Variants in TEC observed in about 807,000 individuals in gnomAD.
The protein encoded by TEC is tec protein tyrosine kinase, also known as tyrosine-protein kinase Tec.
Under a neutral mutation model 93.0 loss-of-function variants are expected in TEC, and 72 were observed. The observed-to-expected ratio is 0.77, with a 90% confidence interval of 0.64 to 0.94. The LOEUF is 0.94. Among genes scored for constraint, TEC ranks in the 40% least tolerant of loss-of-function variants. The pLI, the probability that TEC is intolerant of heterozygous loss-of-function variation, is 0.00. For synonymous variants in TEC, 249 were observed against 247.7 expected, an observed-to-expected ratio of 1.01 and a Z score of -0.05; for missense variants, 630 against 757.9, an observed-to-expected ratio of 0.83 and a Z score of 1.98.
chr4:48,159,926 GA>G (rs1225437670), intron 8 of TEC, among the ~76,000 whole-genome samples: 1 of 152,126 alleles, frequency 6.6e-6, no homozygotes, highest in African/African-American at 2.4e-5. Context: ...CATTCATCAT[GA>G]GGGAGATCTC....
At chr4:48,232,927 G>T (rs1414970451) in intron 1 of TEC, among the ~76,000 whole-genome samples, 4 of 152,184 alleles carry the variant, frequency 2.6e-5, no homozygotes, top group Admixed American at 2.0e-4. Context: ...AATTAAAGCA[G>T]AAGAATTGTT....
At chr4:48,199,851 T>G (rs897885261) in intron 2 of TEC, among the ~76,000 whole-genome samples, 1 of 152,214 alleles carries the variant, frequency 6.6e-6, no homozygotes, top group African/African-American at 2.4e-5. Flanking sequence ...TATGCCAGTT[T>G]TGCTTTAAAT....
chr4:48,205,485 C>T (rs1722671289), intron 2 of TEC, among the ~76,000 whole-genome samples: 1 of 152,174 alleles, frequency 6.6e-6, no homozygotes, highest in Non-Finnish European at 1.5e-5. Flanking sequence ...TAAATATATA[C>T]TATTATTAGC....
intron 2 of TEC, among the ~76,000 whole-genome samples, chr4:48,200,494 A>C (rs1722465964): frequency 6.6e-6 from 1 of 152,210 alleles, no homozygotes; most frequent in African/African-American, 2.4e-5. Context: ...GAGGAGCAAG[A>C]GTGGAAAGAG....
chr4:48,146,614 T>C (rs796280023), intron 11 of TEC, among the ~76,000 whole-genome samples: 11 of 152,340 alleles, frequency 7.2e-5, no homozygotes, highest in African/African-American at 2.6e-4. Context: ...CAGCTTTCTC[T>C]TTTTTCAAAT....
intron 15 of TEC, among the ~76,000 whole-genome samples, 166 bp from the exon 16 acceptor site, chr4:48,139,188 C>T (rs953595043): frequency 1.3e-5 from 2 of 152,190 alleles, no homozygotes; most frequent in African/African-American, 4.8e-5. Context: ...TGGTGATTTC[C>T]AACTTCCTCT....
intron 1 of TEC, among the ~76,000 whole-genome samples, chr4:48,255,420 G>C (rs2109674227): frequency 6.6e-6 from 1 of 152,284 alleles, no homozygotes; most frequent in East Asian, 1.9e-4. Context: ...GCTCGGATTG[G>C]CCAAGGCTGA....
chr4:48,144,573 A>G (rs1386412437), intron 14 of TEC, among the ~76,000 whole-genome samples: 1 of 152,168 alleles, frequency 6.6e-6, no homozygotes, highest in African/African-American at 2.4e-5. Context: ...TTTTTCTAGC[A>G]TTTTGAGAAG....
At position 48,243,743 on chromosome 4, in the gene TEC, C is replaced by A. The variant is rs373393725; in HGVS notation, c.-45-15084G>T. The stretch of plus-strand genomic sequence containing the variant: ...GCCTGGAGATAAGAGGTGGAGAGAT[C>A]ACTCTTAGGTGGGAATTGAACAATG... On this transcript the variant is annotated intron_variant, in intron 1 of 17. Transcript: ENST00000381501. 2.6e-5 allele frequency among the ~76,000 whole-genome samples: 4 copies of A among 152,092 alleles called. No individual in the cohort carries two copies. In the East Asian group the frequency reaches 7.7e-4, roughly 29 times the overall value.
intron 2 of TEC, among the ~76,000 whole-genome samples, chr4:48,209,426 A>G (rs1228509777): frequency 6.6e-6 from 1 of 151,458 alleles, no homozygotes; most frequent in Non-Finnish European, 1.5e-5. Flanking sequence ...ACATAGAGAG[A>G]GCTCATCTCT....
chr4:48,248,582 C>A (rs1265128286), intron 1 of TEC, among the ~76,000 whole-genome samples: 1 of 152,198 alleles, frequency 6.6e-6, no homozygotes, highest in African/African-American at 2.4e-5. Context: ...ACAATCCAGC[C>A]CACAGAATAA....
chr4:48,167,640 C>T (rs1216345763), intron 7 of TEC, 138 bp downstream of exon 7: 4 of 730,674 alleles, frequency 5.5e-6, no homozygotes, highest in Admixed American at 2.6e-5. Flanking sequence ...TGTGTTACTA[C>T]CAAGTAATAA....
chr4:48,176,098 T>C lies in TEC; in HGVS notation c.227A>G (p.Asn76Ser). ...KNDDGVIPCQ[N>S]KYPFQVVHDA... ...CCAGCTCACCTGAAATGGATACTTA[T>C]TTTGACAGGGAATGACACCATCATC... The change falls in exon 3 of 18, where the codon AAT becomes AGT. Residue 76 changes from asparagine (N) to serine (S), a missense_variant. By Grantham distance (46) the Asn-to-Ser change is conservative. Coordinates refer to ENST00000381501, the MANE Select transcript of TEC (RefSeq NM_003215.3). 2 of 1,613,780 alleles carry C rather than the reference T, an allele frequency of 1.2e-6. No homozygotes were observed. Among genetic ancestry groups the C allele is most frequent in the Non-Finnish European group, 1.7e-6 (2 of 1,179,750 alleles).
At chr4:48,156,144 T>C (rs935821040) in intron 9 of TEC, among the ~76,000 whole-genome samples, 1 of 152,192 alleles carries the variant, frequency 6.6e-6, no homozygotes, top group Non-Finnish European at 1.5e-5. Context: ...GCTTTGGGTA[T>C]ATGAAATTGT....
rs532821348 is a variant in TEC at position 48,143,133 on chromosome 4, T to C, written c.1471-1714A>G. Among the ~76,000 whole-genome samples, 26 of 152,360 alleles carry C rather than the reference T, an allele frequency of 1.7e-4. No homozygotes were observed. In the South Asian group the frequency reaches 4.8e-3, roughly 28 times the overall value. ...GAGTCTTATAAAGTGAGAGTTAATA[T>C]CCATTCCCTGGACTGCCTGCATCTT... is the stretch of plus-strand genomic sequence containing the variant. On this transcript the variant is annotated intron_variant, in intron 14 of 17. Transcript: ENST00000381501.
At chr4:48,201,524 G>A (rs542964582) in intron 2 of TEC, among the ~76,000 whole-genome samples, 68 of 152,270 alleles carry the variant, frequency 4.5e-4, no homozygotes, top group African/African-American at 1.5e-3. Context: ...GAGACAAGCA[G>A]TGGCCAGAAA....
intron 1 of TEC, among the ~76,000 whole-genome samples, chr4:48,232,040 G>C (rs1449638928): frequency 6.6e-6 from 1 of 152,146 alleles, no homozygotes; most frequent in Admixed American, 6.5e-5. Flanking sequence ...TGTAATCCTA[G>C]CACTTTGGGA....
intron 2 of TEC, among the ~76,000 whole-genome samples, chr4:48,221,021 T>C (rs1431837402): frequency 1.3e-5 from 2 of 152,208 alleles, no homozygotes; most frequent in Non-Finnish European, 2.9e-5. Context: ...CTCCTTGGGT[T>C]CAAGAATTTG....
intron 2 of TEC, among the ~76,000 whole-genome samples, chr4:48,224,988 T>A (rs1247254990): frequency 6.6e-6 from 1 of 152,188 alleles, no homozygotes; most frequent in Admixed American, 6.5e-5. Context: ...AGCCTCCTCA[T>A]TGTTTTTCTA....
Sources: gnomAD v4.1 joint callset for allele counts (sites outside exome capture counted in the v4.1 genomes callset) on GRCh38, gnomAD v4.1.1 for gene constraint, MANE v1.5 for transcripts, NCBI Gene and HGNC (gene_info 2026-07-23, HGNC 2026-07-21) for gene names.